Variants in GALNT17 observed in about 807,000 individuals in gnomAD.
GALNT17 encodes the protein UDP-GalNAc:polypeptide N-acetylgalactosaminyltransferase-like 3.
Under a neutral mutation model 63.7 loss-of-function variants are expected in GALNT17, and 29 were observed. The ratio of observed to expected loss-of-function variants is 0.46; its 90% CI spans 0.34 to 0.62. GALNT17 has a LOEUF of 0.62. GALNT17 is among the 20% of genes least tolerant of loss of function. GALNT17 has a pLI of 0.01. For missense variants in GALNT17, 603 were observed against 799.6 expected, an observed-to-expected ratio of 0.75 and a Z score of 2.97; for synonymous variants, 305 against 318.3, an observed-to-expected ratio of 0.96 and a Z score of 0.45.
chr7:71,282,043 A>G (rs1189230456), intron 1 of GALNT17, among the ~76,000 whole-genome samples: 1 of 152,150 alleles, frequency 6.6e-6, no homozygotes, highest in African/African-American at 2.4e-5. Context: ...TTGCTGATCA[A>G]TGACAACGCC....
At chr7:71,678,644 A>C (rs1053156320) in intron 9 of GALNT17, among the ~76,000 whole-genome samples, 7 of 151,754 alleles carry the variant, frequency 4.6e-5, no homozygotes, top group Admixed American at 3.9e-4. Flanking sequence ...AAATACAAAA[A>C]ATTAGCTGGG....
At position 71,504,442 on chromosome 7, in the gene GALNT17, C is replaced by G. The variant is rs536229272; in HGVS notation, c.963-66843C>G. ...AAGTGAACTAAAAGAGGGTGACAAA[C>G]AGCAGACAGTGAATTAGACAAAGGT... is the stretch of plus-strand genomic sequence containing the variant. On this transcript the variant is annotated intron_variant, in intron 5 of 10. Coordinates refer to ENST00000333538, the MANE Select transcript of GALNT17 (RefSeq NM_022479.3). Among the ~76,000 whole-genome samples, 126 of 152,140 alleles carry G rather than the reference C, an allele frequency of 8.3e-4. 1 individual carries two copies. The highest frequency in any genetic ancestry group is 1.2e-3 in the South Asian group (6 of 4,828).
chr7:71,180,012 T>C (rs1788707753), intron 1 of GALNT17, among the ~76,000 whole-genome samples: 2 of 152,244 alleles, frequency 1.3e-5, no homozygotes, highest in South Asian at 4.1e-4. Flanking sequence ...AATAGCTTTA[T>C]TGAGGTATAA....
intron 6 of GALNT17, among the ~76,000 whole-genome samples, chr7:71,608,946 A>AT (rs766905822): frequency 0.26 from 36,628 of 140,488 alleles, 4,765 homozygotes; most frequent in Non-Finnish European, 0.29. Context: ...CTCCCAGCTA[A>AT]TTTTTTTTTT....
chr7:71,566,709 G>A (rs1353747450), intron 5 of GALNT17, among the ~76,000 whole-genome samples: 3 of 150,446 alleles, frequency 2.0e-5, no homozygotes, highest in Non-Finnish European at 4.4e-5. Flanking sequence ...AGTAGGAGGG[G>A]TTAGCGTAGG....
chr7:71,331,941 C>T (rs1449566553), intron 1 of GALNT17, among the ~76,000 whole-genome samples: 1 of 152,182 alleles, frequency 6.6e-6, no homozygotes, highest in Admixed American at 6.5e-5. Flanking sequence ...TTATTGGCCA[C>T]ACTTCAGATC....
intron 5 of GALNT17, among the ~76,000 whole-genome samples, chr7:71,511,704 A>G (rs918988357): frequency 8.5e-5 from 13 of 152,296 alleles, no homozygotes; most frequent in Non-Finnish European, 1.3e-4. Context: ...CATCATCATT[A>G]ATAAATAAGT....
intron 1 of GALNT17, among the ~76,000 whole-genome samples, chr7:71,317,938 G>A (rs146856799): frequency 1.3e-5 from 2 of 151,990 alleles, no homozygotes; most frequent in Non-Finnish European, 2.9e-5. Flanking sequence ...GGGTGGGAGA[G>A]GGGGACAGGT....
intron 6 of GALNT17, among the ~76,000 whole-genome samples, chr7:71,645,883 T>C (rs150242969): frequency 3.7e-4 from 56 of 152,308 alleles, no homozygotes; most frequent in African/African-American, 1.3e-3. Flanking sequence ...AGACGGGTCA[T>C]GTCATGGTTG....
At chr7:71,212,476 G>A (rs1443005530) in intron 1 of GALNT17, among the ~76,000 whole-genome samples, 1 of 152,260 alleles carries the variant, frequency 6.6e-6, no homozygotes, top group African/African-American at 2.4e-5. Context: ...CCCACACAGA[G>A]TCCCTACTGG....
At chr7:71,575,678 G>A (rs140612004) in intron 6 of GALNT17, among the ~76,000 whole-genome samples, 3 of 152,088 alleles carry the variant, frequency 2.0e-5, no homozygotes, top group East Asian at 1.9e-4. Flanking sequence ...GTGAGCCACC[G>A]TGCCCGGCCA....
At chr7:71,299,656 T>A (rs1167472500) in intron 1 of GALNT17, among the ~76,000 whole-genome samples, 5 of 152,204 alleles carry the variant, frequency 3.3e-5, no homozygotes, top group Admixed American at 3.3e-4. Flanking sequence ...TGGGATTTAC[T>A]GCAGAGATGA....
At chr7:71,335,814 C>A in intron 2 of GALNT17, 81 bp downstream of exon 2, 1 of 1,231,662 alleles carries the variant, frequency 8.1e-7, no homozygotes, top group Non-Finnish European at 1.1e-6. Flanking sequence ...ATATTTTCCA[C>A]TGTTATTTGT....
At chr7:71,336,089 G>C (rs1247447612) in intron 2 of GALNT17, among the ~76,000 whole-genome samples, 10 of 132,166 alleles carry the variant, frequency 7.6e-5, no homozygotes. Flanking sequence ...TTGTTGCCCA[G>C]GCTGGAGCGC....
At chr7:71,450,114 G>A (rs1787232137) in intron 5 of GALNT17, among the ~76,000 whole-genome samples, 1 of 148,598 alleles carries the variant, frequency 6.7e-6, no homozygotes, top group Non-Finnish European at 1.5e-5. Flanking sequence ...CTTGGTCCTG[G>A]TTTATTAGTT....
chr7:71,144,412 CATT>C (rs1287617009), intron 1 of GALNT17, among the ~76,000 whole-genome samples: 2 of 152,102 alleles, frequency 1.3e-5, no homozygotes, highest in Non-Finnish European at 1.5e-5. Context: ...TGATAATCAT[CATT>C]ATTATTGGCT....
chr7:71,612,333 G>A (rs1790137662), intron 6 of GALNT17, among the ~76,000 whole-genome samples: 1 of 152,004 alleles, frequency 6.6e-6, no homozygotes, highest in Non-Finnish European at 1.5e-5. Context: ...TGAAGAATTG[G>A]GCATATGGAA....
chr7:71,628,171 A>G (rs1432261729), intron 6 of GALNT17, among the ~76,000 whole-genome samples: 1 of 152,192 alleles, frequency 6.6e-6, no homozygotes, highest in African/African-American at 2.4e-5. Context: ...TTTCCAATCT[A>G]TCACGCAATG....
At chr7:71,264,653 A>C (rs1790454321) in intron 1 of GALNT17, among the ~76,000 whole-genome samples, 1 of 152,204 alleles carries the variant, frequency 6.6e-6, no homozygotes, top group African/African-American at 2.4e-5. Context: ...ACCCTAAAAA[A>C]GAATGAAATC....
Sources: allele counts gnomAD v4.1 joint callset (sites outside exome capture counted in the v4.1 genomes callset), GRCh38; gene constraint gnomAD v4.1.1; transcripts MANE v1.5; gene names NCBI Gene and HGNC (gene_info 2026-07-23, HGNC 2026-07-21).